The following CTNND2 variants were observed in gnomAD, a reference collection of about 807,000 sequenced individuals.
CTNND2 encodes catenin delta-2.
Under a neutral mutation model 144.4 loss-of-function variants are expected in CTNND2, and 22 were observed. That is an observed-to-expected ratio of 0.15 (90% confidence interval 0.11 to 0.22). The LOEUF (loss-of-function observed/expected upper bound fraction) is 0.22, where lower values mean the gene tolerates loss of function less well. CTNND2 is among the 10% of genes least tolerant of loss of function. The pLI is 1.00. For missense variants in CTNND2, 1,353 were observed against 1,618.8 expected (o/e 0.84, Z 2.82); for synonymous variants, 751 against 695.6 (o/e 1.08, Z -1.25).
intron 16 of CTNND2, among the ~76,000 whole-genome samples, chr5:11,059,787 G>T (rs1746737523): frequency 6.6e-6 from 1 of 151,946 alleles, no homozygotes; most frequent in African/African-American, 2.4e-5. Context: ...CTACCACCAA[G>T]ATTCAATTGA....
chr5:11,646,653 A>G (rs192546869), intron 2 of CTNND2, among the ~76,000 whole-genome samples: 8 of 133,166 alleles, frequency 6.0e-5, no homozygotes, highest in Admixed American at 5.1e-4. Flanking sequence ...AATTTCGTTT[A>G]CTTGATATTT....
intron 3 of CTNND2, among the ~76,000 whole-genome samples, chr5:11,564,422 TCAAA>T (rs1480499841): frequency 1.3e-5 from 2 of 152,342 alleles, no homozygotes; most frequent in East Asian, 3.9e-4. Context: ...TTTCATAATC[TCAAA>T]CTAATCACTA....
chr5:11,747,770 G>T (rs1788393902), intron 1 of CTNND2, among the ~76,000 whole-genome samples: 1 of 152,116 alleles, frequency 6.6e-6, no homozygotes, highest in African/African-American at 2.4e-5. Flanking sequence ...TTACCACTGT[G>T]AATTGCCAAC....
In CTNND2 at chr5:11,904,217, T is replaced by TCGCCGCGGGCGCGAGCCTGGGGC. The variant is rs1157456990; in HGVS notation, c.-387_-365dup. On this transcript the variant is annotated 5_prime_UTR_variant, in exon 1 of 22. Coordinates refer to ENST00000304623, the MANE Select transcript of CTNND2 (RefSeq NM_001332.4). This position sits in a 1 kb window ranked among gnomAD's most constrained non-coding sequence, Gnocchi z 4.2. ...GCCCGCAGCTCCGCTCAGCCGGCTG[T>TCGCCGCGGGCGCGAGCCTGGGGC]CGCCGCGGGCGCGAGCCTGGGGCCG... 1.2e-4 allele frequency among the ~76,000 whole-genome samples: 18 copies of TCGCCGCGGGCGCGAGCCTGGGGC among 144,332 alleles called. No individual in the cohort carries two copies. The highest frequency in any genetic ancestry group is 7.7e-5 in the Non-Finnish European group (5 of 65,220). 94.7% of individuals were successfully genotyped at this position (144,332 alleles called of 152,430 possible). A position where few individuals can be genotyped will look rare whatever the true frequency, so the allele number is the denominator to read the frequency against.
chr5:11,705,889 A>G (rs1437354255), intron 2 of CTNND2, among the ~76,000 whole-genome samples: 1 of 152,186 alleles, frequency 6.6e-6, no homozygotes, highest in East Asian at 1.9e-4. Context: ...TCCATTATAT[A>G]CACATGCATT....
chr5:11,829,518 A>T (rs1793779356), intron 1 of CTNND2, among the ~76,000 whole-genome samples: 1 of 152,176 alleles, frequency 6.6e-6, no homozygotes, highest in Non-Finnish European at 1.5e-5. Context: ...TTCACAGTGT[A>T]CAAAGCCCCA....
intron 9 of CTNND2, among the ~76,000 whole-genome samples, chr5:11,301,936 G>A (rs554242124): frequency 4.6e-5 from 7 of 152,162 alleles, no homozygotes; most frequent in South Asian, 2.1e-4. Context: ...TGACTTTCTC[G>A]GACTGAGTTG....
intron 9 of CTNND2, among the ~76,000 whole-genome samples, chr5:11,300,894 C>A (rs1462803576): frequency 2.6e-5 from 4 of 152,148 alleles, no homozygotes; most frequent in Non-Finnish European, 5.9e-5. Context: ...TGCAGCACAA[C>A]CTTCTCCTGG....
At chr5:11,443,201 GGTGTGT>G (rs1764438012) in intron 3 of CTNND2, among the ~76,000 whole-genome samples, 2 of 147,256 alleles carry the variant, frequency 1.4e-5, no homozygotes, top group African/African-American at 5.0e-5. Context: ...GTGTGTGTGT[GGTGTGT>G]ATGTGTGTGT....
At chr5:11,432,809 C>A (rs1330155485) in intron 3 of CTNND2, among the ~76,000 whole-genome samples, 6 of 152,104 alleles carry the variant, frequency 3.9e-5, no homozygotes, top group Non-Finnish European at 8.8e-5. Context: ...GAATATCTTA[C>A]GTTTCTCTAA....
chr5:11,402,289 T>C (rs1277697755), intron 5 of CTNND2, among the ~76,000 whole-genome samples: 1 of 152,170 alleles, frequency 6.6e-6, no homozygotes, highest in African/African-American at 2.4e-5. Flanking sequence ...CACCTCCCAA[T>C]ATTTTAATAG....
chr5:11,128,808 A>T (rs1345853623), intron 12 of CTNND2, among the ~76,000 whole-genome samples: 3 of 21,884 alleles, frequency 1.4e-4, no homozygotes, highest in East Asian at 4.1e-3. Flanking sequence ...TATATATACA[A>T]TATATATAAT....
intron 5 of CTNND2, among the ~76,000 whole-genome samples, chr5:11,402,084 A>G (rs531925690): frequency 6.6e-5 from 10 of 152,174 alleles, no homozygotes; most frequent in Non-Finnish European, 1.3e-4. Context: ...TACAAACAAA[A>G]CATACAAGGC....
At chr5:11,307,371 A>G (rs1183336710) in intron 9 of CTNND2, among the ~76,000 whole-genome samples, 1 of 151,674 alleles carries the variant, frequency 6.6e-6, no homozygotes, top group African/African-American at 2.4e-5. Flanking sequence ...ACAGGGCGCA[A>G]TACACAGGGG....
intron 2 of CTNND2, among the ~76,000 whole-genome samples, chr5:11,609,861 C>T (rs1780231244): frequency 6.6e-6 from 1 of 152,168 alleles, no homozygotes; most frequent in South Asian, 2.1e-4. Flanking sequence ...TGACAATGAA[C>T]TTCTTCCACT....
At chr5:11,662,020 C>A (rs1273755554) in intron 2 of CTNND2, among the ~76,000 whole-genome samples, 1 of 150,654 alleles carries the variant, frequency 6.6e-6, no homozygotes, top group Non-Finnish European at 1.5e-5. Flanking sequence ...TATATACACA[C>A]ACACATATAT....
chr5:11,529,194 C>A (rs1319497836), intron 3 of CTNND2, among the ~76,000 whole-genome samples: 1 of 152,180 alleles, frequency 6.6e-6, no homozygotes, highest in African/African-American at 2.4e-5. Flanking sequence ...AAAGGTAGCA[C>A]TGTCTGCCTC....
At chr5:11,427,987 A>G (rs953513548) in intron 3 of CTNND2, among the ~76,000 whole-genome samples, 146 of 152,330 alleles carry the variant, frequency 9.6e-4, no homozygotes, top group African/African-American at 3.2e-3. Context: ...ACATGGTGAC[A>G]GCAAGAGCAA....
At chr5:11,064,707 C>A (rs1487204954) in intron 16 of CTNND2, among the ~76,000 whole-genome samples, 1 of 152,156 alleles carries the variant, frequency 6.6e-6, no homozygotes, top group Non-Finnish European at 1.5e-5. Context: ...CTAAACTCAT[C>A]CCTTTGTCTC....
Sources: allele counts gnomAD v4.1 joint callset (sites outside exome capture counted in the v4.1 genomes callset), GRCh38; gene constraint gnomAD v4.1.1; non-coding constraint Gnocchi (gnomAD v3.1); transcripts MANE v1.5; gene names NCBI Gene and HGNC (gene_info 2026-07-23, HGNC 2026-07-21).